Variants in SLC25A18 observed in about 807,000 individuals in gnomAD.
SLC25A18 encodes the protein solute carrier family 25 member 18.
Under a neutral mutation model 31.1 loss-of-function variants are expected in SLC25A18, and 24 were observed. The ratio of observed to expected loss-of-function variants is 0.77; its 90% CI spans 0.56 to 1.08. SLC25A18 has a LOEUF of 1.08. SLC25A18 is among the 50% of genes least tolerant of loss of function. The pLI is 0.00. For missense variants in SLC25A18, 371 were observed against 418.5 expected, an observed-to-expected ratio of 0.89 and a Z score of 0.99; for synonymous variants, 173 against 161.9, an observed-to-expected ratio of 1.07 and a Z score of -0.52.
chr22:17,581,573 T>G (rs1161264503), intron 5 of SLC25A18, 160 bp downstream of exon 5: 2 of 753,796 alleles, frequency 2.7e-6, no homozygotes, highest in African/African-American at 1.8e-5. Flanking sequence ...GAGGCAGCTC[T>G]GGGTCCTGGT....
chr22:17,576,416 A>G (rs547465195), intron 2 of SLC25A18, among the ~76,000 whole-genome samples: 48 of 152,298 alleles, frequency 3.2e-4, no homozygotes, highest in Non-Finnish European at 4.6e-4. Context: ...TAGGAATTCA[A>G]TTCTGTGGAG....
At chr22:17,576,061 AAGGTAGAGG>A (rs2057221894) in intron 2 of SLC25A18, among the ~76,000 whole-genome samples, 4 of 152,100 alleles carry the variant, frequency 2.6e-5, no homozygotes, top group Admixed American at 2.6e-4. Context: ...TTCAGAAAAG[AAGGTAGAGG>A]AGGCCGGGCA....
chr22:17,578,973 A>G (rs1224965084), intron 2 of SLC25A18, among the ~76,000 whole-genome samples: 1 of 152,192 alleles, frequency 6.6e-6, no homozygotes, highest in African/African-American at 2.4e-5. Context: ...TAGGAATATA[A>G]TGTAGTTTGG....
chr22:17,586,261 T>C (rs1300963889), intron 7 of SLC25A18, among the ~76,000 whole-genome samples: 2 of 152,130 alleles, frequency 1.3e-5, no homozygotes, highest in Admixed American at 6.5e-5. Flanking sequence ...ACGCCTGTAA[T>C]CCCAGCACTT....
chr22:17,571,931 C>A (rs539401387), intron 2 of SLC25A18, among the ~76,000 whole-genome samples: 4 of 151,408 alleles, frequency 2.6e-5, no homozygotes, highest in African/African-American at 9.7e-5. Context: ...GCAGGAGAAT[C>A]GCTTGAACCT....
chr22:17,585,159 G>A (rs2057506592), intron 7 of SLC25A18: 1 of 152,154 alleles, frequency 6.6e-6, no homozygotes, highest in Admixed American at 6.6e-5. Flanking sequence ...GGGAGGCTGA[G>A]GCAGGCAGAT....
chr22:17,569,800 C>T, intron 1 of SLC25A18, 124 bp from the exon 2 acceptor site: 1 of 985,410 alleles, frequency 1.0e-6, no homozygotes, highest in Non-Finnish European at 1.2e-6. Context: ...TTTGAAGGTG[C>T]AGTGTGCGGT....
At chr22:17,582,330 C>T in intron 5 of SLC25A18, 2 of 331,342 alleles carry the variant, frequency 6.0e-6, no homozygotes, top group Non-Finnish European at 1.1e-5. Flanking sequence ...GCGCCGAGAT[C>T]GCGCCACTGC....
chr22:17,580,317 C>T, intron 3 of SLC25A18: 1 of 237,504 alleles, frequency 4.2e-6, no homozygotes, highest in Non-Finnish European at 7.8e-6. Context: ...ATTTTGTTCA[C>T]AGTCTGCCTC....
chr22:17,590,431 T>A lies in SLC25A18; in HGVS notation c.*195T>A, dbSNP rs1413779207. ...GCCTTCTTCCCCTTCGTGTCTACAC[T>A]CGTTTTCCTTTGTGGGCACAGCTAC... On this transcript the variant is annotated 3_prime_UTR_variant, in exon 11 of 11. Coordinates refer to ENST00000327451, the MANE Select transcript of SLC25A18 (RefSeq NM_031481.3). 3.4e-6 allele frequency: 2 copies of A among 596,860 alleles called. No homozygotes were observed. The highest frequency in any genetic ancestry group is 5.8e-5 in the East Asian group (2 of 34,438). 37.0% of individuals were successfully genotyped at this position (596,860 alleles called of 1,614,324 possible).
chr22:17,589,781 C>A, intron 10 of SLC25A18, 116 bp downstream of exon 10: 1 of 969,294 alleles, frequency 1.0e-6, no homozygotes, highest in African/African-American at 1.6e-5. Context: ...TCTTTGAAGT[C>A]TGTCTTTCCC....
chr22:17,580,854 C>T (rs1307402864), intron 3 of SLC25A18, 183 bp from the exon 4 acceptor site: 2 of 1,331,698 alleles, frequency 1.5e-6, no homozygotes, highest in Admixed American at 3.6e-5. Context: ...GATGCCTCAC[C>T]CGGGTGAGTG....
At chr22:17,585,504 G>A (rs1168241587) in intron 7 of SLC25A18, 1 of 152,032 alleles carries the variant, frequency 6.6e-6, no homozygotes, top group East Asian at 1.9e-4. Flanking sequence ...CTTCCTTTTG[G>A]CAAGGACTTA....
intron 7 of SLC25A18, among the ~76,000 whole-genome samples, chr22:17,584,729 G>A (rs1004740524): frequency 4.8e-5 from 6 of 126,270 alleles, no homozygotes; most frequent in African/African-American, 1.9e-4. Flanking sequence ...GCAGTGAGCT[G>A]AGATCACGCC....
chr22:17,582,810 A>G (rs1181603847), intron 6 of SLC25A18, among the ~76,000 whole-genome samples, 157 bp downstream of exon 6: 1 of 152,100 alleles, frequency 6.6e-6, no homozygotes, highest in African/African-American at 2.4e-5. Context: ...GCTGCTGGAG[A>G]GTGAAGGGAG....
chr22:17,584,473 A>AGAGAGAGAGAGAGAGAGAG (rs1569190772), intron 7 of SLC25A18, among the ~76,000 whole-genome samples: 4 of 115,082 alleles, frequency 3.5e-5, no homozygotes, highest in African/African-American at 1.6e-4. Context: ...GAGAGAGAGA[A>AGAGAGAGAGAGAGAGAGAG]AGAAAGAAAG....
At chr22:17,564,750 G>A (rs916873420) in intron 1 of SLC25A18, among the ~76,000 whole-genome samples, 2 of 151,308 alleles carry the variant, frequency 1.3e-5, no homozygotes, top group South Asian at 2.1e-4. Context: ...CCAGCTACTC[G>A]GGAGGCTGAG....
At chr22:17,573,686 A>G (rs1466987622) in intron 2 of SLC25A18, among the ~76,000 whole-genome samples, 1 of 151,954 alleles carries the variant, frequency 6.6e-6, no homozygotes, top group Non-Finnish European at 1.5e-5. Context: ...TCGGTTCCTA[A>G]CTTGCATCCT....
Position 17,569,985 on chromosome 22 carries a change from A to C in SLC25A18, c.-202A>C. ...AAAGGCAGAGGTTCTTACCGAAAGC[A>C]GGTAAGTGTCTTGTCTGTCTGCATC... On this transcript the variant is annotated splice_region_variant and 5_prime_UTR_variant, in exon 2 of 11. Transcript: ENST00000327451. 5 of 985,480 alleles carry C rather than the reference A, an allele frequency of 5.1e-6. No individual in the cohort carries two copies. The highest frequency in any genetic ancestry group is 6.0e-6 in the Non-Finnish European group (5 of 829,954). The allele number at this position is 985,480 out of a possible 1,614,324, so 61.0% of individuals were successfully genotyped here. A position where few individuals can be genotyped will look rare whatever the true frequency, so the allele number is the denominator to read the frequency against.
Sources: gnomAD v4.1 joint callset for allele counts (sites outside exome capture counted in the v4.1 genomes callset) on GRCh38, gnomAD v4.1.1 for gene constraint, MANE v1.5 for transcripts, NCBI Gene and HGNC (gene_info 2026-07-23, HGNC 2026-07-21) for gene names.